LHFPL6: variants seen among roughly 807,000 people sequenced by gnomAD.
LHFPL6 encodes LHFPL tetraspan subfamily member 6 protein.
A neutral mutation model predicts 20.6 loss-of-function variants in LHFPL6; 9 were observed. That is an observed-to-expected ratio of 0.44 (90% CI 0.26 to 0.76). LHFPL6 has a LOEUF of 0.76. Ranked by LOEUF, LHFPL6 falls within the 30% of genes least tolerant of loss-of-function variation. The probability of loss-of-function intolerance (pLI) is 0.20; values close to 1 mark genes in which losing one functional copy is unlikely to be tolerated. For synonymous variants in LHFPL6, 105 were observed against 98.7 expected (o/e 1.06, Z -0.38); for missense variants, 218 against 253.5 (o/e 0.86, Z 0.95).
At chr13:39,452,122 TA>T (rs1360399154) in intron 2 of LHFPL6, among the ~76,000 whole-genome samples, 2 of 146,536 alleles carry the variant, frequency 1.4e-5, no homozygotes, top group African/African-American at 2.5e-5. Flanking sequence ...AAAAAGGATA[TA>T]ACAGAGAGTT....
intron 2 of LHFPL6, among the ~76,000 whole-genome samples, chr13:39,390,277 T>C (rs1445254991): frequency 6.6e-6 from 1 of 151,980 alleles, no homozygotes; most frequent in East Asian, 1.9e-4. Context: ...AAGCCTCTTA[T>C]ACAGATAAAT....
intron 3 of LHFPL6, among the ~76,000 whole-genome samples, chr13:39,355,071 C>T (rs1279943944): frequency 6.8e-6 from 1 of 147,044 alleles, no homozygotes; most frequent in Non-Finnish European, 1.5e-5. Context: ...CAGCAAGGTA[C>T]CATACTAGAT....
chr13:39,406,548 G>A (rs9576788), intron 2 of LHFPL6, among the ~76,000 whole-genome samples: 41,789 of 151,924 alleles, frequency 0.28, 6,086 homozygotes, highest in East Asian at 0.4. Context: ...TCTTGTAAAT[G>A]CAACAAATTA....
chr13:39,545,856 A>C (rs1206488951), intron 2 of LHFPL6, among the ~76,000 whole-genome samples: 1 of 152,152 alleles, frequency 6.6e-6, no homozygotes, highest in Non-Finnish European at 1.5e-5. Flanking sequence ...AGATCACTTG[A>C]GGCCAGGAGT....
intron 2 of LHFPL6, among the ~76,000 whole-genome samples, chr13:39,591,468 T>C (rs1357869786): frequency 6.6e-6 from 1 of 152,214 alleles, no homozygotes; most frequent in Non-Finnish European, 1.5e-5. Flanking sequence ...AATGCATCTG[T>C]TCCTACACCA....
chr13:39,482,022 A>G (rs1319188443), intron 2 of LHFPL6, among the ~76,000 whole-genome samples: 3 of 152,216 alleles, frequency 2.0e-5, no homozygotes, highest in Non-Finnish European at 4.4e-5. Flanking sequence ...TGTTGGATGT[A>G]AAGTGCTTAG....
rs191894310 is a variant in LHFPL6, at chr13:39,569,839, A to C, written c.385+30993T>G. ...CTAGCAGAAATGAGCAGGAGGCACA[A>C]GCTCATTTGGAAAATTATGAAAATG... On this transcript the variant is annotated intron_variant, in intron 2 of 3. Transcript: ENST00000379589. 2.1e-3 allele frequency among the ~76,000 whole-genome samples: 313 copies of C among 152,358 alleles called. 1 individual carries two copies. Among genetic ancestry groups the C allele is most frequent in the Non-Finnish European group, 3.3e-3 (225 of 68,042 alleles).
intron 2 of LHFPL6, among the ~76,000 whole-genome samples, chr13:39,423,630 G>A (rs1263263456): frequency 1.3e-5 from 2 of 152,050 alleles, no homozygotes; most frequent in East Asian, 3.9e-4. Context: ...GACACACAAA[G>A]GATACATGAG....
At chr13:39,360,461 G>A (rs111271716) in intron 3 of LHFPL6, among the ~76,000 whole-genome samples, 10,947 of 97,694 alleles carry the variant, frequency 0.11, 3,967 homozygotes, top group Non-Finnish European at 0.13. Flanking sequence ...CCATAACCAC[G>A]CATGTCAAAG....
intron 2 of LHFPL6, among the ~76,000 whole-genome samples, chr13:39,589,054 C>T (rs970274513): frequency 3.3e-5 from 5 of 152,166 alleles, no homozygotes; most frequent in African/African-American, 1.2e-4. Context: ...CTGGAGCTTA[C>T]AATTTCAATT....
intron 3 of LHFPL6, among the ~76,000 whole-genome samples, chr13:39,347,141 A>G (rs1338283985): frequency 6.6e-6 from 1 of 150,540 alleles, no homozygotes; most frequent in Admixed American, 6.6e-5. Context: ...TGTCCTTCCT[A>G]TAGCCTATGA....
intron 2 of LHFPL6, among the ~76,000 whole-genome samples, chr13:39,500,522 T>C (rs1345911800): frequency 6.6e-6 from 1 of 152,180 alleles, no homozygotes; most frequent in African/African-American, 2.4e-5. Context: ...CCCAAAGTTC[T>C]GGCATTATAG....
At chr13:39,463,520 A>G (rs1020519912) in intron 2 of LHFPL6, among the ~76,000 whole-genome samples, 1 of 152,198 alleles carries the variant, frequency 6.6e-6, no homozygotes, top group African/African-American at 2.4e-5. Context: ...CTATTAATGT[A>G]TATCTTGCAT....
At chr13:39,592,225 G>C (rs990843400) in intron 2 of LHFPL6, among the ~76,000 whole-genome samples, 1 of 151,528 alleles carries the variant, frequency 6.6e-6, no homozygotes, top group Non-Finnish European at 1.5e-5. Flanking sequence ...GAAAAAAAAA[G>C]TATGTAAAAA....
At chr13:39,535,020 C>T (rs1331839676) in intron 2 of LHFPL6, among the ~76,000 whole-genome samples, 1 of 152,184 alleles carries the variant, frequency 6.6e-6, no homozygotes, top group Non-Finnish European at 1.5e-5. Flanking sequence ...ATGATCTTTC[C>T]TTTCCTTGAC....
At chr13:39,478,859 C>G (rs1868397152) in intron 2 of LHFPL6, among the ~76,000 whole-genome samples, 1 of 152,118 alleles carries the variant, frequency 6.6e-6, no homozygotes, top group Admixed American at 6.6e-5. Context: ...TCCTGGGTGT[C>G]CAGCTTGCAG....
At chr13:39,407,580 G>C (rs930746856) in intron 2 of LHFPL6, among the ~76,000 whole-genome samples, 4 of 152,172 alleles carry the variant, frequency 2.6e-5, no homozygotes, top group Non-Finnish European at 5.9e-5. Flanking sequence ...AAATGACTTA[G>C]AAATGCTTTA....
At chr13:39,381,826 CA>C (rs10581776) in intron 2 of LHFPL6, among the ~76,000 whole-genome samples, 15,223 of 140,214 alleles carry the variant, frequency 0.11, 848 homozygotes, top group African/African-American at 0.17. Flanking sequence ...AATTTATAGA[CA>C]AAAAAAAAAA....
chr13:39,383,123 GAA>G (rs34561509), intron 2 of LHFPL6, among the ~76,000 whole-genome samples: 1 of 152,126 alleles, frequency 6.6e-6, no homozygotes, highest in Non-Finnish European at 1.5e-5. Flanking sequence ...AAGCTGGCAC[GAA>G]AAAGAGTCAG....
Sources: allele counts gnomAD v4.1 joint callset (sites outside exome capture counted in the v4.1 genomes callset), GRCh38; gene constraint gnomAD v4.1.1; transcripts MANE v1.5; gene names NCBI Gene and HGNC (gene_info 2026-07-23, HGNC 2026-07-21).